GPC6: variants seen among roughly 807,000 people sequenced by gnomAD.
GPC6 encodes the protein glypican-6.
In GPC6, 14 loss-of-function variants were observed where a neutral mutation model predicts 55.2. The ratio of observed to expected loss-of-function variants is 0.25; its 90% CI spans 0.17 to 0.40. The LOEUF (loss-of-function observed/expected upper bound fraction) is 0.40. GPC6 is among the 10% of genes least tolerant of loss of function. The pLI, the probability that GPC6 is intolerant of heterozygous loss-of-function variation, is 1.00. For synonymous variants in GPC6, 278 were observed against 259.6 expected (o/e 1.07, Z -0.68); for missense variants, 641 against 708.5 (o/e 0.90, Z 1.08).
At chr13:93,322,374 G>C (rs1204250040) in intron 1 of GPC6, among the ~76,000 whole-genome samples, 1 of 150,218 alleles carries the variant, frequency 6.7e-6, no homozygotes, top group Admixed American at 6.6e-5. Flanking sequence ...TTATAAGTGA[G>C]AACGTGTGGT....
intron 2 of GPC6, among the ~76,000 whole-genome samples, chr13:93,697,108 A>G (rs1002869951): frequency 6.6e-6 from 1 of 151,994 alleles, no homozygotes; most frequent in East Asian, 1.9e-4. Flanking sequence ...TGTTCAGGAG[A>G]TCAAGCTCCT....
intron 6 of GPC6, among the ~76,000 whole-genome samples, chr13:94,315,950 T>G (rs7996499): frequency 6.6e-6 from 1 of 151,758 alleles, no homozygotes; most frequent in Non-Finnish European, 1.5e-5. Context: ...TATGAGATTT[T>G]TTTTTAGCTC....
intron 2 of GPC6, among the ~76,000 whole-genome samples, chr13:93,812,152 G>A (rs1423161312): frequency 2.9e-5 from 4 of 137,930 alleles, no homozygotes; most frequent in Non-Finnish European, 4.8e-5. Context: ...TGGGGGGGGG[G>A]GCGGGGGGTG....
At chr13:93,588,097 C>T (rs2139502144) in intron 2 of GPC6, among the ~76,000 whole-genome samples, 1 of 152,284 alleles carries the variant, frequency 6.6e-6, no homozygotes, top group African/African-American at 2.4e-5. Flanking sequence ...GAAGATGAGT[C>T]TCCAACTACA....
chr13:93,323,244 T>C (rs1566298826), intron 1 of GPC6, among the ~76,000 whole-genome samples: 1 of 152,180 alleles, frequency 6.6e-6, no homozygotes, highest in South Asian at 2.1e-4. Context: ...TGCTCACCAT[T>C]ATATAGTTAA....
intron 4 of GPC6, among the ~76,000 whole-genome samples, chr13:94,056,926 T>G (rs1884152565): frequency 2.0e-5 from 3 of 152,240 alleles, no homozygotes; most frequent in Admixed American, 1.3e-4. Flanking sequence ...TAACATTACC[T>G]GAAATTTCAG....
chr13:94,289,106 G>A (rs1332597721), intron 5 of GPC6, among the ~76,000 whole-genome samples: 1 of 150,980 alleles, frequency 6.6e-6, no homozygotes, highest in African/African-American at 2.4e-5. Context: ...CATAGAAATT[G>A]TAGGCAGATG....
At chr13:93,632,421 G>A (rs778703786) in intron 2 of GPC6, among the ~76,000 whole-genome samples, 43 of 151,810 alleles carry the variant, frequency 2.8e-4, no homozygotes, top group Non-Finnish European at 4.9e-4. Flanking sequence ...ATGAGGCTGA[G>A]CAACATGGCG....
At chr13:93,913,892 A>G (rs1594583449) in intron 3 of GPC6, among the ~76,000 whole-genome samples, 1 of 152,234 alleles carries the variant, frequency 6.6e-6, no homozygotes, top group South Asian at 2.1e-4. Context: ...GGCTGCTGAC[A>G]GGATTCACTC....
At chr13:94,391,526 A>G (rs879483751) in intron 7 of GPC6, among the ~76,000 whole-genome samples, 15 of 152,216 alleles carry the variant, frequency 9.9e-5, no homozygotes, top group Non-Finnish European at 1.8e-4. Context: ...AGAAGGTCAC[A>G]GTTTACGTTG....
chr13:93,748,302 G>A (rs1884468833), intron 2 of GPC6, among the ~76,000 whole-genome samples: 1 of 151,862 alleles, frequency 6.6e-6, no homozygotes, highest in East Asian at 1.9e-4. Context: ...ATGAGGTGAG[G>A]GAGACAGTTT....
At chr13:93,643,230 G>A (rs2139588984) in intron 2 of GPC6, among the ~76,000 whole-genome samples, 1 of 152,158 alleles carries the variant, frequency 6.6e-6, no homozygotes, top group Middle Eastern at 3.4e-3. Context: ...AGCATTTGGT[G>A]TGACAGCATA....
intron 2 of GPC6, among the ~76,000 whole-genome samples, chr13:93,683,935 A>G (rs1192208603): frequency 1.3e-5 from 2 of 152,094 alleles, no homozygotes; most frequent in African/African-American, 2.4e-5. Flanking sequence ...CATGCTGCCA[A>G]CTTCTCATTG....
chr13:93,426,143 T>C (rs1289545304), intron 1 of GPC6, among the ~76,000 whole-genome samples: 7 of 152,198 alleles, frequency 4.6e-5, no homozygotes, highest in Middle Eastern at 3.2e-3. Context: ...ACATTACTAG[T>C]AGTGATGAAA....
intron 2 of GPC6, among the ~76,000 whole-genome samples, chr13:93,560,503 G>A (rs529884158): frequency 1.3e-5 from 2 of 152,202 alleles, no homozygotes; most frequent in East Asian, 1.9e-4. Flanking sequence ...CTGGGCAACA[G>A]AGTGAGACCC....
chr13:93,305,526 T>C (rs556347287), intron 1 of GPC6, among the ~76,000 whole-genome samples: 67 of 152,312 alleles, frequency 4.4e-4, no homozygotes, highest in African/African-American at 1.6e-3. Context: ...GTTTCTGATA[T>C]CCAAATCGAT....
chr13:93,468,790 G>A (rs1309610391), intron 1 of GPC6, among the ~76,000 whole-genome samples: 4 of 152,226 alleles, frequency 2.6e-5, no homozygotes, highest in Non-Finnish European at 5.9e-5. Context: ...CAAGGATGGG[G>A]CAGTTTCAAT....
intron 4 of GPC6, among the ~76,000 whole-genome samples, chr13:94,079,019 A>C (rs757478856): frequency 1.3e-5 from 2 of 152,032 alleles, no homozygotes; most frequent in Non-Finnish European, 2.9e-5. Flanking sequence ...AATTCAACCA[A>C]CTGGGGATTG....
At chr13:94,019,286 T>G (rs1169024458) in intron 3 of GPC6, among the ~76,000 whole-genome samples, 1 of 152,190 alleles carries the variant, frequency 6.6e-6, no homozygotes, top group Admixed American at 6.5e-5. Context: ...GATTCAGTCT[T>G]GGTAGGGTGT....
Sources: allele counts gnomAD v4.1 joint callset (sites outside exome capture counted in the v4.1 genomes callset), GRCh38; gene constraint gnomAD v4.1.1; transcripts MANE v1.5; gene names NCBI Gene and HGNC (gene_info 2026-07-23, HGNC 2026-07-21).